The following STK32C variants were observed in gnomAD, a reference collection of about 807,000 sequenced individuals.
STK32C encodes serine/threonine kinase 32C.
STK32C carries 31 observed loss-of-function variants against 56.5 expected under a neutral mutation model. The ratio of observed to expected loss-of-function variants is 0.55; its 90% CI spans 0.41 to 0.74. The LOEUF is 0.74. Ranked by LOEUF, STK32C falls within the 30% of genes least tolerant of loss-of-function variation. STK32C has a pLI of 0.00. For missense variants in STK32C, 544 were observed against 676.9 expected, an observed-to-expected ratio of 0.80 and a Z score of 2.18; for synonymous variants, 309 against 289.4, an observed-to-expected ratio of 1.07 and a Z score of -0.69.
intron 10 of STK32C, among the ~76,000 whole-genome samples, chr10:132,214,208 G>C (rs2062399729): frequency 1.3e-5 from 2 of 150,404 alleles, no homozygotes; most frequent in Admixed American, 6.7e-5. Flanking sequence ...TCTGTACCTA[G>C]GCATATCATT....
intron 1 of STK32C, among the ~76,000 whole-genome samples, chr10:132,327,411 A>C (rs749750460): frequency 1.3e-5 from 2 of 152,162 alleles, no homozygotes; most frequent in Non-Finnish European, 2.9e-5. Flanking sequence ...ATGAAAACAA[A>C]CTAATACAGA....
intron 1 of STK32C, among the ~76,000 whole-genome samples, chr10:132,300,715 G>T (rs886753489): frequency 1.3e-5 from 2 of 152,210 alleles, no homozygotes; most frequent in African/African-American, 2.4e-5. Flanking sequence ...GGGCAGGCAG[G>T]AGACCTGTAA....
intron 1 of STK32C, among the ~76,000 whole-genome samples, chr10:132,292,907 T>TCC (rs745867605): frequency 3.8e-4 from 38 of 100,282 alleles, no homozygotes; most frequent in Non-Finnish European, 7.4e-4. Flanking sequence ...CCCTCCCCCC[T>TCC]CCCTTCCCCA....
intron 1 of STK32C, among the ~76,000 whole-genome samples, chr10:132,296,869 C>T (rs775923496): frequency 6.6e-6 from 1 of 152,214 alleles, no homozygotes; most frequent in Non-Finnish European, 1.5e-5. Context: ...CAGGCCCGCG[C>T]CCTCTGGGAC....
rs180720017 is a variant in STK32C at position 132,209,121 on chromosome 10, C to A, written c.1252-20G>T. 2 of 1,611,150 alleles carry A rather than the reference C, an allele frequency of 1.2e-6. No homozygotes were observed. The highest frequency in any genetic ancestry group is 2.7e-5 in the African/African-American group (2 of 74,904). On this transcript the variant is annotated intron_variant, in intron 10 of 11. Transcript: ENST00000298630. ...ATTCTCCTGTGGATGGAAAGGCACA[C>A]GTGAGCGTGGGGGACGCTGTCCAGG...
At chr10:132,277,002 G>A (rs2065014511) in intron 1 of STK32C, among the ~76,000 whole-genome samples, 1 of 152,246 alleles carries the variant, frequency 6.6e-6, no homozygotes, top group African/African-American at 2.4e-5. Context: ...CAAAGGATTG[G>A]ATTATCACCC....
chr10:132,223,136 G>A, intron 8 of STK32C, 150 bp from the exon 9 acceptor site: 1 of 1,110,760 alleles, frequency 9.0e-7, no homozygotes, highest in South Asian at 1.6e-5. Flanking sequence ...AGGAAGGGTG[G>A]TGCCGACGGC....
chr10:132,306,037 CTG>C (rs2066049014), intron 1 of STK32C, among the ~76,000 whole-genome samples: 1 of 152,240 alleles, frequency 6.6e-6, no homozygotes, highest in Non-Finnish European at 1.5e-5. Context: ...CAGACAGACT[CTG>C]TGCTTGCTCT....
intron 1 of STK32C, among the ~76,000 whole-genome samples, chr10:132,298,671 G>A (rs1195224439): frequency 6.6e-6 from 1 of 151,994 alleles, no homozygotes; most frequent in East Asian, 1.9e-4. Flanking sequence ...CTGGGGGGGA[G>A]TTGAGCGCCG....
intron 10 of STK32C, among the ~76,000 whole-genome samples, chr10:132,219,917 ACAGGCTCAGG>A (rs1387195607): frequency 1.3e-4 from 20 of 152,116 alleles, no homozygotes; most frequent in Admixed American, 3.9e-4. Context: ...GACATCCACC[ACAGGCTCAGG>A]CAGACTCAGG....
At position 132,228,222 on chromosome 10, in the gene STK32C, C is replaced by T. The variant is rs780257331; in HGVS notation, c.319-94G>A. 8 of 1,562,108 alleles carry T rather than the reference C, an allele frequency of 5.1e-6. No individual in the cohort carries two copies. The African/African-American group carries it at 5.4e-5, about 11-fold the overall frequency. The stretch of plus-strand genomic sequence containing the variant: ...TGCATGGGGATGCCTGGGGACGCAT[C>T]GTCAGGACACAAGGGGACACCTGGG... On this transcript the variant is annotated intron_variant, in intron 2 of 11. Transcript: ENST00000298630.
chr10:132,312,632 G>A (rs2066242974), upstream of STK32C, among the ~76,000 whole-genome samples: 1 of 152,126 alleles, frequency 6.6e-6, no homozygotes. Flanking sequence ...TCAAGGCCTG[G>A]CAAGAATTCT....
intron 10 of STK32C, among the ~76,000 whole-genome samples, chr10:132,213,224 G>T (rs922151198): frequency 6.6e-6 from 1 of 152,214 alleles, no homozygotes; most frequent in Non-Finnish European, 1.5e-5. Flanking sequence ...CCTGTACCCC[G>T]CTTTAGCCTG....
At chr10:132,291,909 G>A (rs559124559) in intron 1 of STK32C, among the ~76,000 whole-genome samples, 1 of 152,322 alleles carries the variant, frequency 6.6e-6, no homozygotes, top group East Asian at 1.9e-4. Flanking sequence ...GACAGCGAGA[G>A]GTGGTGTGTC....
chr10:132,240,679 G>A (rs865802781), intron 2 of STK32C, among the ~76,000 whole-genome samples: 5 of 152,086 alleles, frequency 3.3e-5, no homozygotes, highest in Non-Finnish European at 4.4e-5. Context: ...AAATGCGGAC[G>A]CCGTGCGCCT....
chr10:132,294,112 G>A (rs1464550709), intron 1 of STK32C, among the ~76,000 whole-genome samples: 1 of 152,210 alleles, frequency 6.6e-6, no homozygotes, highest in Non-Finnish European at 1.5e-5. Flanking sequence ...GTCCCAGCTG[G>A]AGACAGGAAT....
At position 132,219,829 on chromosome 10, in the gene STK32C, G is replaced by A. The variant is rs114861386; in HGVS notation, c.1251+2812C>T. ...CATGGTGAGGAGGGGACTGACACCC[G>A]TCTTCTGCCCAGGAGCAACACAGGG... On this transcript the variant is annotated intron_variant, in intron 10 of 11. Transcript: ENST00000298630. Among the ~76,000 whole-genome samples, 662 of 152,222 alleles carry A rather than the reference G, an allele frequency of 4.3e-3. 5 individuals are homozygous for A. Among genetic ancestry groups the A allele is most frequent in the African/African-American group, 0.015 (632 of 41,544 alleles).
chr10:132,209,740 T>C (rs939602077), intron 10 of STK32C, among the ~76,000 whole-genome samples: 1 of 152,030 alleles, frequency 6.6e-6, no homozygotes, highest in Non-Finnish European at 1.5e-5. Context: ...AAAGCATCAT[T>C]ATGGTGACCG....
At chr10:132,250,145 G>A (rs993203876) in intron 1 of STK32C, among the ~76,000 whole-genome samples, 9 of 152,378 alleles carry the variant, frequency 5.9e-5, no homozygotes, top group Admixed American at 1.3e-4. Flanking sequence ...CGCTGGCTCC[G>A]CACCGGGGGA....
Sources: gnomAD v4.1 joint callset for allele counts (sites outside exome capture counted in the v4.1 genomes callset) on GRCh38, gnomAD v4.1.1 for gene constraint, MANE v1.5 for transcripts, NCBI Gene and HGNC (gene_info 2026-07-23, HGNC 2026-07-21) for gene names.